Variants in USH1C observed in about 807,000 individuals in gnomAD.
USH1C encodes harmonin.
In USH1C, 90 loss-of-function variants were observed where a neutral mutation model predicts 119.3. That is an observed-to-expected ratio of 0.75 (90% CI 0.64 to 0.90). The LOEUF is 0.90. Ranked by LOEUF, USH1C falls within the 40% of genes least tolerant of loss-of-function variation. The pLI, the probability that USH1C is intolerant of heterozygous loss-of-function variation, is 0.00. For synonymous variants in USH1C, 465 were observed against 443.3 expected, an observed-to-expected ratio of 1.05 and a Z score of -0.62; for missense variants, 1,165 against 1,167.7, an observed-to-expected ratio of 1.00 and a Z score of 0.03.
At chr11:17,533,056 C>T (rs141293307) in intron 2 of USH1C, among the ~76,000 whole-genome samples, 199 bp downstream of exon 2, 2 of 152,244 alleles carry the variant, frequency 1.3e-5, no homozygotes, top group African/African-American at 4.8e-5. Flanking sequence ...CACAACTATA[C>T]CCAGCCCCTA....
At chr11:17,533,678 T>C (rs1851100148) in intron 1 of USH1C, 1 of 489,658 alleles carries the variant, frequency 2.0e-6, no homozygotes, top group Admixed American at 2.3e-5. Flanking sequence ...CTCACCCCCA[T>C]GGCTGTGTCA....
At chr11:17,535,942 AT>A (rs1851217814) in intron 1 of USH1C, among the ~76,000 whole-genome samples, 2 of 152,162 alleles carry the variant, frequency 1.3e-5, no homozygotes, top group Admixed American at 1.3e-4. Context: ...ATGACCATTG[AT>A]TGTGACTCAG....
At chr11:17,501,697 G>A (rs1392511524) in intron 21 of USH1C, among the ~76,000 whole-genome samples, 162 bp from the exon 22 acceptor site, 1 of 152,108 alleles carries the variant, frequency 6.6e-6, no homozygotes, top group Non-Finnish European at 1.5e-5. Context: ...TTCAACTGGG[G>A]GTCCCAGGCC....
chr11:17,524,252 T>A (rs947630039), intron 9 of USH1C, among the ~76,000 whole-genome samples, 199 bp downstream of exon 9: 1 of 152,170 alleles, frequency 6.6e-6, no homozygotes, highest in Admixed American at 6.5e-5. Flanking sequence ...CCAACAACTA[T>A]CAGAGCTGGG....
chr11:17,524,322 G>T, intron 9 of USH1C, 129 bp downstream of exon 9: 1 of 991,334 alleles, frequency 1.0e-6, no homozygotes. Flanking sequence ...AGGGTGGGTA[G>T]GGCTCCTACT....
chr11:17,529,684 C>T (rs1565061851), intron 4 of USH1C, among the ~76,000 whole-genome samples: 2 of 152,222 alleles, frequency 1.3e-5, no homozygotes, highest in African/African-American at 2.4e-5. Context: ...CTCCCCGTCT[C>T]GCCCTGTGTG....
At chr11:17,501,351 G>A in intron 22 of USH1C, 131 bp downstream of exon 22, 1 of 1,175,074 alleles carries the variant, frequency 8.5e-7, no homozygotes, top group Non-Finnish European at 1.2e-6. Context: ...CGTCTCCGTG[G>A]GAGAGGGGAG....
At chr11:17,500,242 G>A (rs982017617) in intron 23 of USH1C, among the ~76,000 whole-genome samples, 1 of 152,226 alleles carries the variant, frequency 6.6e-6, no homozygotes, top group Non-Finnish European at 1.5e-5. Context: ...AAGGGACAAG[G>A]CTGCAGAAGA....
At chr11:17,512,140 C>T in intron 15 of USH1C, 86 bp from the exon 16 acceptor site, 1 of 1,452,296 alleles carries the variant, frequency 6.9e-7, no homozygotes, top group Admixed American at 1.7e-5. Context: ...CCTCACATAA[C>T]ACAACCATCC....
At chr11:17,537,471 G>A (rs2237957) in intron 1 of USH1C, among the ~76,000 whole-genome samples, 63,249 of 152,096 alleles carry the variant, frequency 0.42, 13,194 homozygotes, top group East Asian at 0.52. Flanking sequence ...TTGATGAAAC[G>A]TGAACTCTAT....
chr11:17,495,911 T>C (rs1306150910), intron 25 of USH1C, among the ~76,000 whole-genome samples: 2 of 150,136 alleles, frequency 1.3e-5, no homozygotes, highest in Non-Finnish European at 3.0e-5. Flanking sequence ...GCATGGTCAG[T>C]GAGTGGGTGA....
At position 17,531,536 on chromosome 11, in the gene USH1C, CATGGTCCTGTGGAG is replaced by C. The variant is rs1310754274; in HGVS notation, c.105-8_110del. ...GGTCTCCCACGAGCACGGCCACGTC[CATGGTCCTGTGGAG>C]ATGCCGGGAATGCCTGGAGCCTCAC... On this transcript the variant is annotated splice_acceptor_variant and splice_polypyrimidine_tract_variant and coding_sequence_variant and intron_variant, in exon 3 of 27. Transcript: ENST00000005226. LOFTEE classifies it high-confidence loss of function. This position sits in a 1 kb window ranked among gnomAD's most constrained non-coding sequence, Gnocchi z 4.2. 1 of 1,613,248 alleles carries C rather than the reference CATGGTCCTGTGGAG, an allele frequency of 6.2e-7. No homozygotes were observed. Among genetic ancestry groups the C allele is most frequent in the East Asian group, 2.2e-5 (1 of 44,866 alleles).
intron 1 of USH1C, among the ~76,000 whole-genome samples, chr11:17,541,780 T>G (rs1851477910): frequency 1.3e-5 from 2 of 152,236 alleles, no homozygotes; most frequent in Non-Finnish European, 2.9e-5. Flanking sequence ...CTGGACACTC[T>G]GCAGGTATCA....
At chr11:17,521,099 T>A (rs1285997644) in intron 13 of USH1C, 105 bp from the exon 14 acceptor site, 1 of 1,514,804 alleles carries the variant, frequency 6.6e-7, no homozygotes, top group African/African-American at 1.4e-5. Flanking sequence ...CTCATGGTTC[T>A]AGTCATGATG....
chr11:17,508,391 G>C (rs1591975970), intron 18 of USH1C, among the ~76,000 whole-genome samples: 1 of 152,166 alleles, frequency 6.6e-6, no homozygotes, highest in East Asian at 1.9e-4. Flanking sequence ...TGCTTGTCCT[G>C]CTCTCCACGC....
intron 4 of USH1C, among the ~76,000 whole-genome samples, chr11:17,529,346 G>T (rs974775117): frequency 6.6e-6 from 1 of 152,198 alleles, no homozygotes. Flanking sequence ...AGGGCAGAGG[G>T]GTGGACCCCC....
Position 17,514,429 on chromosome 11 carries a change from G to A in USH1C, c.1260+1812C>T, listed in dbSNP as rs995447745. 7 of 152,226 alleles carry A rather than the reference G, an allele frequency of 4.6e-5. 1 individual carries two copies. The highest frequency in any genetic ancestry group is 1.3e-4 in the Admixed American group (2 of 15,282). The allele number at this position is 152,226 out of a possible 1,614,324, so 9.4% of individuals were successfully genotyped here. A position where few individuals can be genotyped will look rare whatever the true frequency, so the allele number is the denominator to read the frequency against. On this transcript the variant is annotated intron_variant, in intron 15 of 26. Transcript: ENST00000005226. ...AGACAGGGTTTCACCCTGTTGGCCA[G>A]GCTGGTCTTGAACTCCCAACCTCAC...
chr11:17,522,092 A>G (rs1360991660), intron 12 of USH1C, among the ~76,000 whole-genome samples: 3 of 152,312 alleles, frequency 2.0e-5, no homozygotes, highest in East Asian at 3.9e-4. Context: ...CTCGACCTCC[A>G]AAGTGCTGGG....
chr11:17,504,125 A>T (rs1849546277), intron 20 of USH1C, among the ~76,000 whole-genome samples: 1 of 152,128 alleles, frequency 6.6e-6, no homozygotes, highest in African/African-American at 2.4e-5. Context: ...CACTCAGAGG[A>T]CCAGCAAGGA....
Sources: allele counts gnomAD v4.1 joint callset (sites outside exome capture counted in the v4.1 genomes callset), GRCh38; gene constraint gnomAD v4.1.1; non-coding constraint Gnocchi (gnomAD v3.1); transcripts MANE v1.5; gene names NCBI Gene and HGNC (gene_info 2026-07-23, HGNC 2026-07-21).